The following OR2Z1 variants were observed in gnomAD, a reference collection of about 807,000 sequenced individuals.
OR2Z1 encodes the protein olfactory receptor family 2 subfamily Z member 1, also known as olfactory receptor 2Z1.
For synonymous variants in OR2Z1, 188 were observed against 160.6 expected (o/e 1.17, Z -1.29); for missense variants, 449 against 401.8 (o/e 1.12, Z -1.00).
intron 2 of OR2Z1, among the ~76,000 whole-genome samples, chr19:8,723,480 T>G (rs144488864): frequency 2.6e-5 from 4 of 152,304 alleles, no homozygotes; most frequent in Admixed American, 6.5e-5. Context: ...AATGTTCATG[T>G]TCTCTCTCAA....
chr19:8,729,316 T>C, intron 2 of OR2Z1: 2 of 481,896 alleles, frequency 4.2e-6, no homozygotes, highest in South Asian at 2.2e-5. Context: ...TAGCTTCCAC[T>C]GATAAGTGAG....
At chr19:8,729,357 T>G (rs1441496162) in intron 2 of OR2Z1, among the ~76,000 whole-genome samples, 1 of 151,966 alleles carries the variant, frequency 6.6e-6, no homozygotes, top group Non-Finnish European at 1.5e-5. Context: ...GTTTCTGCCT[T>G]AATTCACTTA....
At chr19:8,726,200 C>T (rs139666890) in intron 2 of OR2Z1, among the ~76,000 whole-genome samples, 6 of 152,226 alleles carry the variant, frequency 3.9e-5, no homozygotes, top group South Asian at 2.1e-4. Context: ...CTCCTGACCT[C>T]GTGATCGGCC....
At chr19:8,722,946 A>G (rs1176294948) in intron 1 of OR2Z1, among the ~76,000 whole-genome samples, 160 bp from the exon 2 acceptor site, 1 of 152,166 alleles carries the variant, frequency 6.6e-6, no homozygotes, top group African/African-American at 2.4e-5. Flanking sequence ...CAGGAGTTGA[A>G]GGCTGCAGTG....
At chr19:8,727,703 C>T (rs576001884) in intron 2 of OR2Z1, among the ~76,000 whole-genome samples, 4 of 152,200 alleles carry the variant, frequency 2.6e-5, no homozygotes, top group African/African-American at 7.2e-5. Flanking sequence ...CCTGTCTCTA[C>T]TAAAAATACA....
At chr19:8,723,197 A>G (rs1040386245) in intron 2 of OR2Z1, 47 bp downstream of exon 2, 1 of 152,126 alleles carries the variant, frequency 6.6e-6, no homozygotes, top group Non-Finnish European at 1.5e-5. Context: ...TCTGCCTGCA[A>G]TCATGTTTTA....
chr19:8,729,329 CAT>C (rs1178374789), intron 2 of OR2Z1: 1 of 439,926 alleles, frequency 2.3e-6, no homozygotes, highest in African/African-American at 2.0e-5. Context: ...TAAGTGAGAA[CAT>C]GTGGTATTTG....
In OR2Z1 at chr19:8,731,741, T is replaced by C. The variant is rs782178822; in HGVS notation, c.713T>C (p.Val238Ala). Residue 238 changes from valine to alanine, a missense_variant, in exon 3 of 3, where the codon GTC becomes GCC. By Grantham distance (64) the Val-to-Ala change is moderately conservative (BLOSUM62 0). Coordinates refer to ENST00000641125, the MANE Select transcript of OR2Z1 (RefSeq NM_001004699.3). The stretch of plus-strand genomic sequence containing the variant: ...TCAGAGGAGGCCAGACACAAGGCTG[T>C]CACCACCTGCTCCTCGCACATCACG... ...MRSEEARHKA[V>A]TTCSSHITVV... The C allele has an allele frequency of 1.8e-5, 29 of 1,614,118 alleles. No individual in the cohort carries two copies. In the Admixed American group the frequency reaches 2.3e-4, roughly 13 times the overall value.
At chr19:8,727,841 TG>T (rs1177276744) in intron 2 of OR2Z1, among the ~76,000 whole-genome samples, 1 of 152,236 alleles carries the variant, frequency 6.6e-6, no homozygotes, top group African/African-American at 2.4e-5. Context: ...TACTCCCGCC[TG>T]GGTCACAGAG....
rs782560770 is a variant in OR2Z1 at position 8,731,388 on chromosome 19, T to A, written c.360T>A (p.Tyr120Ter). 3.1e-6 allele frequency: 5 copies of A among 1,613,992 alleles called. No homozygotes were observed. In the African/African-American group the frequency reaches 6.7e-5, roughly 22 times the overall value. The change falls in exon 3 of 3, where the codon TAT (tyrosine) becomes TAA (stop). Residue 120 changes from tyrosine to a stop codon, truncating the protein, a stop_gained. Coordinates refer to ENST00000641125, the MANE Select transcript of OR2Z1 (RefSeq NM_001004699.3). LOFTEE classifies it low-confidence loss of function (END_TRUNC). Reference protein sequence around the residue: ...AEGVLLVLMSYDRYVAVCQPL... With the variant: ...AEGVLLVLMS ...GCGTCCTGTTGGTCCTCATGTCTTA[T>A]GACCGTTATGTTGCTGTGTGCCAGC...
intron 2 of OR2Z1, among the ~76,000 whole-genome samples, chr19:8,726,028 C>A (rs928221912): frequency 1.3e-5 from 2 of 151,942 alleles, no homozygotes; most frequent in African/African-American, 4.8e-5. Context: ...TGCAGTGGCA[C>A]GGTCTCGGCT....
intron 1 of OR2Z1, among the ~76,000 whole-genome samples, chr19:8,722,394 T>A (rs1384680217): frequency 2.6e-5 from 4 of 152,124 alleles, no homozygotes; most frequent in Admixed American, 2.6e-4. Context: ...CGGACTGATG[T>A]GAGTTTTATT....
At chr19:8,725,291 G>A (rs782723213) in intron 2 of OR2Z1, among the ~76,000 whole-genome samples, 3 of 151,994 alleles carry the variant, frequency 2.0e-5, no homozygotes, top group Non-Finnish European at 2.9e-5. Flanking sequence ...TGTCCAGGCC[G>A]GAATACAGTG....
At chr19:8,723,814 A>G (rs559161484) in intron 2 of OR2Z1, among the ~76,000 whole-genome samples, 1 of 152,246 alleles carries the variant, frequency 6.6e-6, no homozygotes, top group African/African-American at 2.4e-5. Flanking sequence ...AAGGGCCACA[A>G]TGCCTGAAAC....
rs1555756844 is a variant in OR2Z1 at position 8,731,784 on chromosome 19, T to C, written c.756T>C (p.Tyr252=). ...ACATCACGGTAGTGGGGCTCTTTTA[T>C]GGTGCCGCCGTGTTCATGTACATGG... ...SSHITVVGLF[Y]GAAVFMYMVP... The change falls in exon 3 of 3, where the codon TAT becomes TAC. Residue 252 remains tyrosine, a synonymous_variant. Transcript: ENST00000641125. 1 of 1,614,240 alleles carries C rather than the reference T, an allele frequency of 6.2e-7. No homozygotes were observed.
At chr19:8,730,838 T>A (rs1301018253) in intron 2 of OR2Z1, 22 bp from the exon 3 acceptor site, 1 of 605,678 alleles carries the variant, frequency 1.7e-6, no homozygotes, top group Non-Finnish European at 2.9e-6. Flanking sequence ...AGACACTAAC[T>A]GATTAAGTTT....
At chr19:8,728,968 G>A (rs1384070528) in intron 2 of OR2Z1, 3 of 687,382 alleles carry the variant, frequency 4.4e-6, no homozygotes, top group Non-Finnish European at 8.0e-6. Context: ...GTGGTCAGCG[G>A]CAACGTGATG....
rs782376422 is a variant in OR2Z1, at chr19:8,731,665, C to T, written c.637C>T (p.Leu213Phe). 3 of 1,614,166 alleles carry T rather than the reference C, an allele frequency of 1.9e-6. No individual in the cohort carries two copies. In the South Asian group the frequency reaches 3.3e-5, roughly 18 times the overall value. The part of the protein sequence containing the change: ...GVLILMLPLS[L>F]IATSYGHVLQ... ...GCTGATCCTAATGCTCCCTCTTTCC[C>T]TCATCGCCACCTCCTACGGCCACGT... is the stretch of plus-strand genomic sequence containing the variant. The change falls in exon 3 of 3, where the codon CTC (leucine) becomes TTC (phenylalanine). Residue 213 changes from leucine to phenylalanine, a missense_variant. By Grantham distance (22) the Leu-to-Phe change is conservative. Transcript: ENST00000641125.
At chr19:8,728,951 G>A in intron 2 of OR2Z1, 1 of 678,648 alleles carries the variant, frequency 1.5e-6, no homozygotes, top group Non-Finnish European at 2.7e-6. Context: ...TCTTGATGGT[G>A]GACTCAGTGG....
Sources: allele counts gnomAD v4.1 joint callset (sites outside exome capture counted in the v4.1 genomes callset), GRCh38; gene constraint gnomAD v4.1.1; transcripts MANE v1.5; gene names NCBI Gene and HGNC (gene_info 2026-07-23, HGNC 2026-07-21).